The following MPHOSPH9 variants were observed in gnomAD, a reference collection of about 807,000 sequenced individuals.
MPHOSPH9 encodes the protein M-phase phosphoprotein 9.
A neutral mutation model predicts 145.5 loss-of-function variants in MPHOSPH9; 88 were observed. The observed-to-expected ratio is 0.60, with a 90% CI of 0.51 to 0.72. The LOEUF is 0.72. Ranked by LOEUF, MPHOSPH9 falls within the 30% of genes least tolerant of loss-of-function variation. MPHOSPH9 has a pLI of 0.00. For synonymous variants in MPHOSPH9, 435 were observed against 486.2 expected, an observed-to-expected ratio of 0.89 and a Z score of 1.39; for missense variants, 1,238 against 1,386.6, an observed-to-expected ratio of 0.89 and a Z score of 1.70.
chr12:123,166,859 A>T, intron 16 of MPHOSPH9, 70 bp from the exon 17 acceptor site: 1 of 1,493,062 alleles, frequency 6.7e-7, no homozygotes. Context: ...TGCATATAAA[A>T]CAATCTGCTC....
intron 11 of MPHOSPH9, among the ~76,000 whole-genome samples, chr12:123,199,670 G>A (rs951765805): frequency 6.6e-6 from 1 of 151,900 alleles, no homozygotes; most frequent in African/African-American, 2.4e-5. Flanking sequence ...GCGGGCGCCT[G>A]TAGTCCCAGC....
upstream of MPHOSPH9, among the ~76,000 whole-genome samples, chr12:123,237,231 C>T (rs927253058): frequency 3.9e-5 from 6 of 152,044 alleles, no homozygotes; most frequent in East Asian, 3.8e-4. Flanking sequence ...CCAAGGCAGG[C>T]GCATCACCTG....
chr12:123,166,503 A>G, intron 17 of MPHOSPH9, 152 bp downstream of exon 17: 1 of 869,658 alleles, frequency 1.1e-6, no homozygotes, highest in Non-Finnish European at 1.8e-6. Flanking sequence ...ATATTCTAAA[A>G]GTAGTAGCCT....
At chr12:123,233,023 C>T in intron 1 of MPHOSPH9, 52 bp downstream of exon 1, 1 of 152,324 alleles carries the variant, frequency 6.6e-6, no homozygotes, top group Non-Finnish European at 1.5e-5. Flanking sequence ...TCCTAAGTCT[C>T]GTCTCCTGTC....
chr12:123,232,777 G>T (rs1206933164), intron 1 of MPHOSPH9: 1 of 152,016 alleles, frequency 6.6e-6, no homozygotes, highest in Non-Finnish European at 1.5e-5. Context: ...GGGGCACCTT[G>T]GCAAAAAATG....
At position 123,227,481 on chromosome 12, in the gene MPHOSPH9, T is replaced by C; in HGVS notation, c.240A>G (p.Glu80=). The C allele has an allele frequency of 6.7e-7, 1 of 1,499,784 alleles. No homozygotes were observed. The highest frequency in any genetic ancestry group is 8.9e-7 in the Non-Finnish European group (1 of 1,129,556). The allele number at this position is 1,499,784 out of a possible 1,614,324, so 92.9% of individuals were successfully genotyped here. A position where few individuals can be genotyped will look rare whatever the true frequency, so the allele number is the denominator to read the frequency against. The change falls in exon 3 of 24, where the codon GAA becomes GAG. Residue 80 remains glutamate (E), a synonymous_variant. Coordinates refer to ENST00000606320, the MANE Select transcript of MPHOSPH9 (RefSeq NM_022782.4). ...TAGATACCTCACAGTTTTTCCAAAG[T>C]TCCGAATCAGTCTTTCCACTGTTTT... ...ELQNSGKTDS[E]LWKNCETRWL... is the part of the protein sequence containing the mutation.
chr12:123,231,565 T>C (rs2047637236), intron 1 of MPHOSPH9, among the ~76,000 whole-genome samples: 1 of 152,118 alleles, frequency 6.6e-6, no homozygotes, highest in Non-Finnish European at 1.5e-5. Context: ...TGCCTGCAGC[T>C]ACTGGGAGCA....
At chr12:123,203,751 A>G (rs978063671) in intron 8 of MPHOSPH9, among the ~76,000 whole-genome samples, 2 of 151,998 alleles carry the variant, frequency 1.3e-5, no homozygotes, top group South Asian at 2.1e-4. Flanking sequence ...TGGTGTGATC[A>G]TGGTTCACTG....
chr12:123,179,961 C>T lies in MPHOSPH9; in HGVS notation c.2319G>A (p.Leu773=). 1 of 1,462,592 alleles carries T rather than the reference C, an allele frequency of 6.8e-7. No homozygotes were observed. The highest frequency in any genetic ancestry group is 9.2e-7 in the Non-Finnish European group (1 of 1,083,434). The allele number at this position is 1,462,592 out of a possible 1,614,324, so 90.6% of individuals were successfully genotyped here. Residue 773 remains leucine (L), a synonymous_variant, in exon 15 of 24, where the codon TTG becomes TTA. Coordinates refer to ENST00000606320, the MANE Select transcript of MPHOSPH9 (RefSeq NM_022782.4). ...CAGAAATCTGAGTATATGCATCAAG[C>T]AATTTGTTCTCAGTTGTATTTAATG... is the stretch of plus-strand genomic sequence containing the variant. ...KDALNTTENK[L]LDAYTQISDL... is the part of the protein sequence containing the mutation.
chr12:123,212,846 A>T (rs1224971404), intron 7 of MPHOSPH9, among the ~76,000 whole-genome samples: 8 of 135,620 alleles, frequency 5.9e-5, no homozygotes, highest in Non-Finnish European at 1.2e-4. Context: ...GAGTACCCAT[A>T]TGACCATTCT....
intron 13 of MPHOSPH9, among the ~76,000 whole-genome samples, chr12:123,183,566 A>AAG (rs1420616701): frequency 4.1e-4 from 62 of 151,096 alleles, no homozygotes; most frequent in Non-Finnish European, 7.8e-4. Context: ...AAAAAAAAAA[A>AAG]AAAAGAAAAA....
chr12:123,243,173 CCATTT>C (rs1434432302), intron 1 of MPHOSPH9, among the ~76,000 whole-genome samples: 3 of 152,162 alleles, frequency 2.0e-5, no homozygotes, highest in African/African-American at 7.2e-5. Flanking sequence ...TTGGCACACT[CCATTT>C]CAAAGTATAT....
upstream of MPHOSPH9, among the ~76,000 whole-genome samples, chr12:123,234,823 T>C (rs970927322): frequency 1.2e-4 from 18 of 152,260 alleles, no homozygotes; most frequent in Non-Finnish European, 2.2e-4. Flanking sequence ...TATCTTTCAG[T>C]GTGAACCTGC....
rs2044176773 is a variant in MPHOSPH9 at position 123,163,138 on chromosome 12, T to C, written c.2909-4A>G. The C allele has an allele frequency of 1.9e-6, 3 of 1,572,082 alleles. No homozygotes were observed. The highest frequency in any genetic ancestry group is 2.6e-6 in the Non-Finnish European group (3 of 1,166,420). ...GTTAGCATAATCTCTCTTTTTGCTA[T>C]AGAAGAAAATGAAGAGGAAATATTC... is the stretch of plus-strand genomic sequence containing the variant. On this transcript the variant is annotated splice_region_variant and splice_polypyrimidine_tract_variant and intron_variant, in intron 19 of 23. Coordinates refer to ENST00000606320, the MANE Select transcript of MPHOSPH9 (RefSeq NM_022782.4).
chr12:123,194,324 G>C, intron 13 of MPHOSPH9, 62 bp downstream of exon 13: 1 of 954,674 alleles, frequency 1.0e-6, no homozygotes, highest in Non-Finnish European at 1.6e-6. Context: ...ACTTGTAAGA[G>C]TATAATACCT....
rs375272581 is a variant in MPHOSPH9, at chr12:123,156,826, C to T, written c.3533G>A (p.Arg1178His). 6.5e-5 allele frequency: 105 copies of T among 1,611,478 alleles called. No homozygotes were observed. Among genetic ancestry groups the T allele is most frequent in the South Asian group, 1.9e-4 (17 of 90,868 alleles). ...RMTLKKFHVL[R>H]TSANL The stretch of plus-strand genomic sequence containing the variant: ...CAAATCTCAAAGATTTGCAGAGGTG[C>T]GCAAAACATGGAATTTCTTTAGCGT... Residue 1178 changes from arginine to histidine, a missense_variant, in exon 24 of 24, where the codon CGC becomes CAC. Transcript: ENST00000606320.
intron 13 of MPHOSPH9, among the ~76,000 whole-genome samples, chr12:123,191,019 A>C (rs932030382): frequency 6.6e-6 from 1 of 152,120 alleles, no homozygotes; most frequent in Non-Finnish European, 1.5e-5. Context: ...TTTGTGAATA[A>C]TTAGAAACAA....
At chr12:123,213,380 C>G (rs2046828259) in intron 7 of MPHOSPH9, among the ~76,000 whole-genome samples, 1 of 151,944 alleles carries the variant, frequency 6.6e-6, no homozygotes, top group South Asian at 2.1e-4. Flanking sequence ...CTTGGTATTG[C>G]CCAGGCTGGA....
intron 16 of MPHOSPH9, among the ~76,000 whole-genome samples, chr12:123,171,509 G>A (rs2044579913): frequency 6.6e-6 from 1 of 151,154 alleles, no homozygotes; most frequent in Non-Finnish European, 1.5e-5. Flanking sequence ...AGCACTTTGG[G>A]AGGCTGAGGT....
Sources: gnomAD v4.1 joint callset for allele counts (sites outside exome capture counted in the v4.1 genomes callset) on GRCh38, gnomAD v4.1.1 for gene constraint, MANE v1.5 for transcripts, NCBI Gene and HGNC (gene_info 2026-07-23, HGNC 2026-07-21) for gene names.